The following SRSF6 variants were observed in gnomAD, a reference collection of about 807,000 sequenced individuals.
SRSF6 encodes serine and arginine rich splicing factor 6.
In SRSF6, 17 loss-of-function variants were observed where a neutral mutation model predicts 42.0. The observed-to-expected ratio is 0.40, with a 90% confidence interval of 0.28 to 0.61. SRSF6 has a LOEUF of 0.61. SRSF6 is among the 20% of genes least tolerant of loss of function. SRSF6 has a pLI of 0.37. For missense variants in SRSF6, 379 were observed against 471.4 expected, an observed-to-expected ratio of 0.80 and a Z score of 1.81; for synonymous variants, 204 against 166.7, an observed-to-expected ratio of 1.22 and a Z score of -1.72.
chr20:43,459,157 C>G, intron 2 of SRSF6: 1 of 1,351,976 alleles, frequency 7.4e-7, no homozygotes, highest in Non-Finnish European at 9.8e-7. Context: ...TGAAAGTGAC[C>G]AATGGGGCTG....
At chr20:43,459,263 ACCTTACCGGAAGCCATGACGACAGCAG>A (rs778019940) in intron 2 of SRSF6, 1 of 1,351,960 alleles carries the variant, frequency 7.4e-7, no homozygotes, top group Non-Finnish European at 9.8e-7. Context: ...CCTTTGGCTG[ACCTTACCGGAAGCCATGACGACAGCAG>A]CCTTTTGCCA....
chr20:43,460,680 A>G, intron 5 of SRSF6, 23 bp from the exon 6 acceptor site: 1 of 1,612,338 alleles, frequency 6.2e-7, no homozygotes, highest in Non-Finnish European at 8.5e-7. Flanking sequence ...AAGTATTGAG[A>G]AAATCGGTCT....
intron 4 of SRSF6, 100 bp from the exon 5 acceptor site, chr20:43,460,415 A>T: frequency 4.5e-6 from 6 of 1,329,622 alleles, no homozygotes; most frequent in Admixed American, 2.0e-5. Context: ...ATTTCGTAGT[A>T]AAGAAAAACA....
Position 43,461,103 on chromosome 20 carries a change from C to G in SRSF6, c.*40C>G. 1 of 1,512,484 alleles carries G rather than the reference C, an allele frequency of 6.6e-7. No homozygotes were observed. Among genetic ancestry groups the G allele is most frequent in the South Asian group, 1.4e-5 (1 of 74,066 alleles). The allele number at this position is 1,512,484 out of a possible 1,614,324, so 93.7% of individuals were successfully genotyped here. ...TTTGCACATTATTATGGAACACTTT[C>G]CTACTTAGGCAGTTACTCTTCCATG... On this transcript the variant is annotated 3_prime_UTR_variant, in exon 6 of 6. Transcript: ENST00000244020.
Position 43,460,833 on chromosome 20 carries a change from T to C in SRSF6, c.805T>C (p.Tyr269His). Residue 269 changes from tyrosine to histidine, a missense_variant, in exon 6 of 6, where the codon TAT becomes CAT. Tyr to His is a moderately conservative substitution (Grantham distance 83). This residue lies in a region of SRSF6 where 219 missense variants were observed against 216.1 expected (regional missense o/e 1.01). Coordinates refer to ENST00000244020, the MANE Select transcript of SRSF6 (RefSeq NM_006275.6). ...SHSRSRSKDE[Y>H]EKSRSRSRSR... ...TTCTCGAAGCAGATCTAAGGATGAG[T>C]ATGAGAAATCTCGAAGCAGGTCTCG... The C allele has an allele frequency of 1.2e-6, 2 of 1,613,978 alleles. No homozygotes were observed. The highest frequency in any genetic ancestry group is 1.7e-6 in the Non-Finnish European group (2 of 1,180,018).
At position 43,458,062 on chromosome 20, in the gene SRSF6, G is replaced by A. The variant is rs1192531498; in HGVS notation, c.29G>A (p.Ser10Asn). Reference protein sequence around the residue: MPRVYIGRLSYNVREKDIQR... With the variant: MPRVYIGRLNYNVREKDIQR... ...CCGCGCGTCTACATAGGACGCCTGA[G>A]CTACAACGTCCGGGAGAAGGACATC... The change falls in exon 1 of 6, where the codon AGC becomes AAC. Residue 10 changes from serine (S) to asparagine (N), a missense_variant. Physicochemically the swap from Ser to Asn is conservative, Grantham distance 46. Around this residue, in one of 3 missense-constraint regions of SRSF6, gnomAD observed 117 missense variants for 146.8 expected, o/e 0.80. Transcript: ENST00000244020. 3 of 1,613,234 alleles carry A rather than the reference G, an allele frequency of 1.9e-6. No individual in the cohort carries two copies. The highest frequency in any genetic ancestry group is 4.5e-5 in the East Asian group (2 of 44,850).
intron 5 of SRSF6, 29 bp from the exon 6 acceptor site, chr20:43,460,674 A>G (rs2145324185): frequency 6.2e-7 from 1 of 1,612,376 alleles, no homozygotes; most frequent in Non-Finnish European, 8.5e-7. Context: ...CTCACTAAGT[A>G]TTGAGAAAAT....
chr20:43,458,655 C>A (rs909659658), intron 2 of SRSF6, 146 bp downstream of exon 2: 7 of 867,482 alleles, frequency 8.1e-6, no homozygotes, highest in Non-Finnish European at 1.1e-5. Context: ...CACGTCTGCC[C>A]GGGGCAGCCA....
rs1196378267 is a variant in SRSF6, at chr20:43,461,334, G to GTTTTTTTGT, written c.*273_*274insTTTTTGTTT. The stretch of plus-strand genomic sequence containing the variant: ...TTTGTAAAGATTAAGCTCATTTAGT[G>GTTTTTTTGT]TTGTTTTTTTTTTTTTTTTTTTTTT... On this transcript the variant is annotated 3_prime_UTR_variant, in exon 6 of 6. Transcript: ENST00000244020. The GTTTTTTTGT allele has an allele frequency of 5.3e-5, 3 of 56,470 alleles. No homozygotes were observed. Among genetic ancestry groups the GTTTTTTTGT allele is most frequent in the African/African-American group, 2.2e-4 (3 of 13,570 alleles). The allele number at this position is 56,470 out of a possible 1,614,324, so 3.5% of individuals were successfully genotyped here. A position where few individuals can be genotyped will look rare whatever the true frequency, so the allele number is the denominator to read the frequency against.
intron 2 of SRSF6, 85 bp from the exon 3 acceptor site, chr20:43,459,686 A>G: frequency 6.3e-7 from 1 of 1,592,700 alleles, no homozygotes; most frequent in South Asian, 1.1e-5. Context: ...AGTAAATAAA[A>G]GTTGATATGT....
At chr20:43,460,426 T>A in intron 4 of SRSF6, 89 bp from the exon 5 acceptor site, 1 of 1,370,658 alleles carries the variant, frequency 7.3e-7, no homozygotes, top group Non-Finnish European at 1.0e-6. Flanking sequence ...AAGAAAAACA[T>A]TATTCTTTGG....
At chr20:43,458,237 G>A (rs2017530106) in intron 1 of SRSF6, 97 bp downstream of exon 1, 2 of 1,447,212 alleles carry the variant, frequency 1.4e-6, no homozygotes, top group African/African-American at 1.5e-5. Flanking sequence ...GCGCCGCGTG[G>A]CAGGGCCTCA....
rs57110045 is a variant in SRSF6 at position 43,461,337 on chromosome 20, G to GTTTTTTTTTTTTTTTTTTTTTTTTTTTTT, written c.*283_*311dup. ...GTAAAGATTAAGCTCATTTAGTGTTGTTTTTTTTTTTTTTTTTTTTTTTTT... is the reference window on the plus strand; with the variant it reads ...GTAAAGATTAAGCTCATTTAGTGTTGTTTTTTTTTTTTTTTTTTTTTTTTTTTTTTTTTTTTTTTTTTTTTTTTTTTTTT... On this transcript the variant is annotated 3_prime_UTR_variant, in exon 6 of 6. Transcript: ENST00000244020. 2.1e-4 allele frequency: 9 copies of GTTTTTTTTTTTTTTTTTTTTTTTTTTTTT among 43,768 alleles called. 2 individuals are homozygous for GTTTTTTTTTTTTTTTTTTTTTTTTTTTTT. The highest frequency in any genetic ancestry group is 4.1e-4 in the African/African-American group (5 of 12,192). The allele number at this position is 43,768 out of a possible 1,614,324, so 2.7% of individuals were successfully genotyped here. A position where few individuals can be genotyped will look rare whatever the true frequency, so the allele number is the denominator to read the frequency against.
At chr20:43,460,369 T>C (rs1406702286) in intron 4 of SRSF6, 128 bp downstream of exon 4, 6 of 1,342,978 alleles carry the variant, frequency 4.5e-6, no homozygotes, top group African/African-American at 1.5e-5. Flanking sequence ...TGTGCATCAT[T>C]GCGTTCTTTT....
At position 43,461,337 on chromosome 20, in the gene SRSF6, G is replaced by GTTTTTTTGTTTTTTTTTTTT. The variant is rs2017589818; in HGVS notation, c.*281_*282insGTTTTTTTTTTTTTTTTTTT. On this transcript the variant is annotated 3_prime_UTR_variant, in exon 6 of 6. Coordinates refer to ENST00000244020, the MANE Select transcript of SRSF6 (RefSeq NM_006275.6). Reference sequence around the variant, plus strand: ...GTAAAGATTAAGCTCATTTAGTGTTGTTTTTTTTTTTTTTTTTTTTTTTTT... The same window carrying GTTTTTTTGTTTTTTTTTTTT: ...GTAAAGATTAAGCTCATTTAGTGTTGTTTTTTTGTTTTTTTTTTTTTTTTTTTTTTTTTTTTTTTTTTTTT... The GTTTTTTTGTTTTTTTTTTTT allele has an allele frequency of 6.9e-5, 3 of 43,768 alleles. No homozygotes were observed. The highest frequency in any genetic ancestry group is 2.5e-4 in the African/African-American group (3 of 12,192). 2.7% of individuals were successfully genotyped at this position (43,768 alleles called of 1,614,324 possible).
rs762365845 is a variant in SRSF6 at position 43,460,961 on chromosome 20, G to A, written c.933G>A (p.Lys311=). The change falls in exon 6 of 6, where the codon AAG becomes AAA. Residue 311 remains lysine, a synonymous_variant. Transcript: ENST00000244020. ...CGCCGCTACCTGTTCCACCCTCAAA[G>A]GCCCGTTCTGTGTCCCCTCCACCAA... The part of the protein sequence containing the change: ...SNSPLPVPPS[K]ARSVSPPPKR... 6.2e-7 allele frequency: 1 copy of A among 1,614,094 alleles called. No homozygotes were observed. Among genetic ancestry groups the A allele is most frequent in the South Asian group, 1.1e-5 (1 of 91,080 alleles).
Position 43,458,621 on chromosome 20 carries a change from G to T in SRSF6, c.256+112G>T, listed in dbSNP as rs2017538763. The T allele has an allele frequency of 2.6e-6, 3 of 1,132,420 alleles. No homozygotes were observed. In the East Asian group the frequency reaches 9.5e-5, roughly 36 times the overall value. The allele number at this position is 1,132,420 out of a possible 1,614,324, so 70.1% of individuals were successfully genotyped here. On this transcript the variant is annotated intron_variant, in intron 2 of 5. Transcript: ENST00000244020. ...CGAGGGCCGGGGGTCGTTTGACTTG[G>T]GTGTCCCCGAGCCCCGCTGCCTTCA...
Position 43,460,206 on chromosome 20 carries a change from A to G in SRSF6, c.555A>G (p.Thr185=). ...NIRLIEDKPR[T]SHRRSYSGSR... The stretch of plus-strand genomic sequence containing the variant: ...GGCTTATTGAAGATAAGCCACGCAC[A>G]AGCCATAGGCGATCTTACTCTGGAA... Residue 185 remains threonine (T), a synonymous_variant, in exon 4 of 6, where the codon ACA becomes ACG. Transcript: ENST00000244020. 6.2e-7 allele frequency: 1 copy of G among 1,614,204 alleles called. No individual in the cohort carries two copies. The highest frequency in any genetic ancestry group is 8.5e-7 in the Non-Finnish European group (1 of 1,180,018).
At chr20:43,460,274 CAA>C in intron 4 of SRSF6, 33 bp downstream of exon 4, 2 of 1,601,550 alleles carry the variant, frequency 1.2e-6, no homozygotes, top group Non-Finnish European at 1.7e-6. Context: ...GGGAAGGAAA[CAA>C]TATTTGCCAA....
Sources: gnomAD v4.1 joint callset for allele counts on GRCh38, gnomAD v4.1.1 for gene constraint, gnomAD v4.1.1 regional missense constraint, MANE v1.5 for transcripts, NCBI Gene and HGNC (gene_info 2026-07-23, HGNC 2026-07-21) for gene names.